CDKAL1: variants seen among roughly 807,000 people sequenced by gnomAD.
CDKAL1 encodes the protein CDKAL1 threonylcarbamoyladenosine tRNA methylthiotransferase, also known as threonylcarbamoyladenosine tRNA methylthiotransferase.
Under a neutral mutation model 68.2 loss-of-function variants are expected in CDKAL1, and 32 were observed. The ratio of observed to expected loss-of-function variants is 0.47; its 90% CI spans 0.35 to 0.63. The LOEUF (loss-of-function observed/expected upper bound fraction) is 0.63. Ranked by LOEUF, CDKAL1 falls within the 30% of genes least tolerant of loss-of-function variation. The pLI is 0.00. For synonymous variants in CDKAL1, 234 were observed against 244.3 expected (o/e 0.96, Z 0.39); for missense variants, 606 against 696.7 (o/e 0.87, Z 1.47).
At chr6:20,875,275 C>T (rs1255244204) in intron 9 of CDKAL1, among the ~76,000 whole-genome samples, 5 of 135,820 alleles carry the variant, frequency 3.7e-5, no homozygotes, top group African/African-American at 1.1e-4. Flanking sequence ...GTCCGCAGTC[C>T]GGCCTGGGCG....
chr6:20,860,382 G>T (rs1759551481), intron 9 of CDKAL1, among the ~76,000 whole-genome samples: 1 of 152,162 alleles, frequency 6.6e-6, no homozygotes, highest in African/African-American at 2.4e-5. Flanking sequence ...CTCAGCCAAA[G>T]CATTTATCAT....
chr6:21,111,237 C>T (rs1774106182), intron 13 of CDKAL1, among the ~76,000 whole-genome samples: 1 of 152,082 alleles, frequency 6.6e-6, no homozygotes, highest in Non-Finnish European at 1.5e-5. Flanking sequence ...TTCCCCTTGA[C>T]GTAAGTTTAT....
chr6:20,701,259 G>GTTT (rs11305935), intron 5 of CDKAL1, among the ~76,000 whole-genome samples: 1,671 of 118,536 alleles, frequency 0.014, 38 homozygotes, highest in African/African-American at 0.048. Flanking sequence ...ACATGAAGTT[G>GTTT]TTTTTTTTTT....
intron 13 of CDKAL1, among the ~76,000 whole-genome samples, chr6:21,166,520 G>T (rs1175429882): frequency 2.6e-5 from 4 of 152,156 alleles, no homozygotes; most frequent in African/African-American, 9.7e-5. Context: ...AGCTTCTCCT[G>T]CAGCAGCTTC....
chr6:20,582,619 G>C (rs1765185094), intron 4 of CDKAL1, among the ~76,000 whole-genome samples: 1 of 151,950 alleles, frequency 6.6e-6, no homozygotes, highest in African/African-American at 2.4e-5. Context: ...TATTTACGTT[G>C]TGGTCACTGG....
chr6:20,701,774 T>C (rs1771374076), intron 5 of CDKAL1, among the ~76,000 whole-genome samples: 1 of 152,254 alleles, frequency 6.6e-6, no homozygotes, highest in Non-Finnish European at 1.5e-5. Flanking sequence ...GTAGGAGTTT[T>C]GTGAATGTTT....
chr6:20,851,122 C>T (rs775436095), intron 9 of CDKAL1, among the ~76,000 whole-genome samples: 13 of 151,206 alleles, frequency 8.6e-5, no homozygotes, highest in Non-Finnish European at 1.5e-4. Flanking sequence ...TAAGATTTAC[C>T]AGGTAATTTC....
chr6:20,602,244 C>T (rs1047820951), intron 4 of CDKAL1, among the ~76,000 whole-genome samples: 4 of 152,198 alleles, frequency 2.6e-5, no homozygotes, highest in Non-Finnish European at 5.9e-5. Flanking sequence ...TCCCATTCTG[C>T]TTCCCTTTAT....
intron 15 of CDKAL1, among the ~76,000 whole-genome samples, chr6:21,201,980 T>C (rs892729899): frequency 7.2e-5 from 11 of 151,858 alleles, no homozygotes; most frequent in African/African-American, 2.7e-4. Flanking sequence ...CATATAACAG[T>C]GATTTAACAT....
chr6:20,714,378 CTTTTTTT>C (rs545162371), intron 5 of CDKAL1, among the ~76,000 whole-genome samples: 1,495 of 72,514 alleles, frequency 0.021, 20 homozygotes, highest in African/African-American at 0.064. Flanking sequence ...ATTGTCTGTT[CTTTTTTT>C]TTTTTTTTTT....
chr6:20,671,593 A>G (rs1055933923), intron 5 of CDKAL1, among the ~76,000 whole-genome samples: 1 of 152,194 alleles, frequency 6.6e-6, no homozygotes, highest in African/African-American at 2.4e-5. Context: ...AGTGACATTT[A>G]TATCTCCAAT....
chr6:20,853,662 T>C (rs1213222687), intron 9 of CDKAL1, among the ~76,000 whole-genome samples: 1 of 152,204 alleles, frequency 6.6e-6, no homozygotes, highest in Non-Finnish European at 1.5e-5. Context: ...ACTAAATGTG[T>C]CTGCGTCATA....
chr6:20,786,680 G>A (rs1003801511), intron 8 of CDKAL1, among the ~76,000 whole-genome samples: 4 of 151,744 alleles, frequency 2.6e-5, no homozygotes, highest in Admixed American at 2.0e-4. Context: ...TGTATTTTTA[G>A]TGGAGACGAG....
At chr6:21,104,030 A>G (rs1773720655) in intron 12 of CDKAL1, among the ~76,000 whole-genome samples, 1 of 152,170 alleles carries the variant, frequency 6.6e-6, no homozygotes, top group Non-Finnish European at 1.5e-5. Context: ...CACTAGTAAT[A>G]ATGGCCGTGT....
chr6:21,165,822 A>G (rs540338672), intron 13 of CDKAL1, among the ~76,000 whole-genome samples: 71 of 152,286 alleles, frequency 4.7e-4, no homozygotes, highest in Admixed American at 7.2e-4. Context: ...CTTAAAAGAG[A>G]GAGAGCTTTA....
chr6:21,068,126 A>G (rs2150937431), intron 12 of CDKAL1, among the ~76,000 whole-genome samples: 1 of 152,272 alleles, frequency 6.6e-6, no homozygotes, highest in Middle Eastern at 3.4e-3. Context: ...GCTCCTTGGC[A>G]GGTCATGGTA....
At chr6:21,094,562 G>T (rs1417965360) in intron 12 of CDKAL1, among the ~76,000 whole-genome samples, 3 of 152,142 alleles carry the variant, frequency 2.0e-5, no homozygotes, top group African/African-American at 7.2e-5. Context: ...GAGCTAAAAA[G>T]ATGCTAGAGC....
chr6:20,852,697 C>T (rs1352696805), intron 9 of CDKAL1, among the ~76,000 whole-genome samples: 1 of 152,162 alleles, frequency 6.6e-6, no homozygotes, highest in Non-Finnish European at 1.5e-5. Context: ...TTTATGTGGC[C>T]TTTGCCTATT....
chr6:20,983,689 C>G (rs1448729333), intron 10 of CDKAL1, among the ~76,000 whole-genome samples: 6 of 152,176 alleles, frequency 3.9e-5, no homozygotes, highest in East Asian at 1.9e-4. Flanking sequence ...CCACTGCACT[C>G]CAGCCTGGGC....
Sources: allele counts gnomAD v4.1 joint callset (sites outside exome capture counted in the v4.1 genomes callset), GRCh38; gene constraint gnomAD v4.1.1; transcripts MANE v1.5; gene names NCBI Gene and HGNC (gene_info 2026-07-23, HGNC 2026-07-21).